CEP57L1: variants seen among roughly 807,000 people sequenced by gnomAD.
CEP57L1 encodes the protein centrosomal protein CEP57L1.
Under a neutral mutation model 61.0 loss-of-function variants are expected in CEP57L1, and 37 were observed. The ratio of observed to expected loss-of-function variants is 0.61; its 90% CI spans 0.47 to 0.80. CEP57L1 has a LOEUF of 0.80. Ranked by LOEUF, CEP57L1 falls within the 30% of genes least tolerant of loss-of-function variation. The probability of loss-of-function intolerance (pLI) is 0.00; values close to 1 mark genes in which losing one functional copy is unlikely to be tolerated. For synonymous variants in CEP57L1, 137 were observed against 162.3 expected (o/e 0.84, Z 1.19); for missense variants, 422 against 524.7 (o/e 0.80, Z 1.91).
intron 1 of CEP57L1, among the ~76,000 whole-genome samples, chr6:109,106,759 CCT>C (rs1253898213): frequency 2.0e-5 from 3 of 151,856 alleles, no homozygotes; most frequent in South Asian, 4.2e-4. Flanking sequence ...GTGAAACCCC[CCT>C]GTCTCTACTA....
chr6:109,145,586 A>G (rs937446731), intron 2 of CEP57L1, among the ~76,000 whole-genome samples: 1 of 151,932 alleles, frequency 6.6e-6, no homozygotes, highest in African/African-American at 2.4e-5. Flanking sequence ...GATTAATACA[A>G]CCAGCTGGAC....
At position 109,150,216 on chromosome 6, in the gene CEP57L1, A is replaced by T. The variant is rs140706176; in HGVS notation, c.439A>T (p.Lys147Ter). The change falls in exon 4 of 11, where the codon AAG becomes TAG. Residue 147 changes from lysine (K) to a stop codon, truncating the protein, a stop_gained. Coordinates refer to ENST00000517392, the MANE Select transcript of CEP57L1 (RefSeq NM_001271852.3). LOFTEE classifies it high-confidence loss of function. ...AATGGTTCTCAACGTAGAGCGAGAA[A>T]AGAACATGATCCTAGAACAACAGGT... ...KRMVLNVERE[K>*]NMILEQQAQL... 3.7e-6 allele frequency: 6 copies of T among 1,604,072 alleles called. No individual in the cohort carries two copies. The African/African-American group carries it at 8.0e-5, about 21-fold the overall frequency.
In CEP57L1 at chr6:109,170,147, G is replaced by C. The variant is rs1774334636; in HGVS notation, c.*7177G>C. On this transcript the variant is annotated 3_prime_UTR_variant, in exon 11 of 11. Transcript: ENST00000517392. ...GTTATAGGGTAATGAGCAATAATAA[G>C]GCCACCAAATATAATCCCATTGTAA... 2.0e-5 allele frequency among the ~76,000 whole-genome samples: 3 copies of C among 152,040 alleles called. No individual in the cohort carries two copies. The highest frequency in any genetic ancestry group is 4.8e-5 in the African/African-American group (2 of 41,398).
intron 1 of CEP57L1, among the ~76,000 whole-genome samples, chr6:109,096,629 C>G (rs1781737515): frequency 2.6e-5 from 4 of 152,174 alleles, no homozygotes; most frequent in Non-Finnish European, 5.9e-5. Flanking sequence ...TACATCGTTT[C>G]TGTAAGTGAG....
Position 109,168,143 on chromosome 6 carries a change from A to G in CEP57L1, c.*5173A>G, listed in dbSNP as rs189065814. The stretch of plus-strand genomic sequence containing the variant: ...TCATTTTCTATCTATCTTGATTTAT[A>G]TACCTTCACCTTTTTAAATTTTTTG... On this transcript the variant is annotated 3_prime_UTR_variant, in exon 11 of 11. Transcript: ENST00000517392. Among the ~76,000 whole-genome samples, 2 of 152,348 alleles carry G rather than the reference A, an allele frequency of 1.3e-5. No individual in the cohort carries two copies. Among genetic ancestry groups the G allele is most frequent in the Admixed American group, 1.3e-4 (2 of 15,308 alleles).
chr6:109,155,458 A>G (rs946097299), intron 6 of CEP57L1, 151 bp downstream of exon 6: 20 of 498,508 alleles, frequency 4.0e-5, no homozygotes, highest in Middle Eastern at 5.3e-4. Context: ...GTCAGCCAGT[A>G]TGATACATGG....
chr6:109,127,410 A>G (rs1239848721), intron 1 of CEP57L1, among the ~76,000 whole-genome samples: 1 of 152,126 alleles, frequency 6.6e-6, no homozygotes, highest in Non-Finnish European at 1.5e-5. Context: ...CAGATAGCAG[A>G]AGCCATGTCC....
chr6:109,103,526 T>C (rs1770571630), intron 1 of CEP57L1, among the ~76,000 whole-genome samples: 1 of 152,202 alleles, frequency 6.6e-6, no homozygotes, highest in South Asian at 2.1e-4. Flanking sequence ...ATTCTCAGAA[T>C]ACCATGCCCC....
At chr6:109,135,945 A>G (rs1051873829) in intron 1 of CEP57L1, among the ~76,000 whole-genome samples, 45 of 152,238 alleles carry the variant, frequency 3.0e-4, no homozygotes, top group African/African-American at 8.9e-4. Flanking sequence ...GGAGAAATAG[A>G]AACACTTTTA....
chr6:109,146,912 C>T lies in CEP57L1; in HGVS notation c.315C>T (p.His105=), dbSNP rs775070028. The change falls in exon 3 of 11, where the codon CAC becomes CAT. Residue 105 remains histidine, a synonymous_variant. Transcript: ENST00000517392. The part of the protein sequence containing the change: ...ENETNERNLA[H]QELIKQKKDI... ...AAACAAATGAGAGAAATCTGGCACA[C>T]CAGGAGCTGATAAAGCAGAAAAAAG... The T allele has an allele frequency of 6.2e-7, 1 of 1,607,550 alleles. No individual in the cohort carries two copies. The highest frequency in any genetic ancestry group is 1.7e-5 in the Admixed American group (1 of 58,564).
chr6:109,123,463 C>G (rs769168416), intron 1 of CEP57L1, among the ~76,000 whole-genome samples: 2 of 152,184 alleles, frequency 1.3e-5, no homozygotes, highest in Non-Finnish European at 2.9e-5. Context: ...GTGTTGCCTT[C>G]ATGATTCAGT....
intron 1 of CEP57L1, among the ~76,000 whole-genome samples, chr6:109,106,463 T>C (rs1770944554): frequency 6.6e-6 from 1 of 152,206 alleles, no homozygotes; most frequent in Non-Finnish European, 1.5e-5. Context: ...TGTGGACCTT[T>C]TTCTTGAAAC....
intron 4 of CEP57L1, among the ~76,000 whole-genome samples, chr6:109,152,814 A>G (rs934251925): frequency 6.6e-6 from 1 of 152,084 alleles, no homozygotes; most frequent in Admixed American, 6.6e-5. Flanking sequence ...TTTTATCAAT[A>G]ATGGTTTTCT....
At position 109,164,335 on chromosome 6, in the gene CEP57L1, A is replaced by G. The variant is rs1318205554; in HGVS notation, c.*1365A>G. Among the ~76,000 whole-genome samples the G allele has an allele frequency of 6.6e-6, 1 of 152,202 alleles. No individual in the cohort carries two copies. Among genetic ancestry groups the G allele is most frequent in the African/African-American group, 2.4e-5 (1 of 41,450 alleles). On this transcript the variant is annotated 3_prime_UTR_variant, in exon 11 of 11. Transcript: ENST00000517392. ...CATTCTAATGGTGAGGAGAGATACCATGTTAGAATACCTTCCATACCTGGA... is the reference window on the plus strand; with the variant it reads ...CATTCTAATGGTGAGGAGAGATACCGTGTTAGAATACCTTCCATACCTGGA...
In CEP57L1 at chr6:109,156,860, A is replaced by G. The variant is rs182360289; in HGVS notation, c.744+983A>G. The G allele has an allele frequency of 2.2e-4, 34 of 152,260 alleles. No homozygotes were observed. The East Asian group carries it at 6.4e-3, about 28-fold the overall frequency. The allele number at this position is 152,260 out of a possible 1,614,324, so 9.4% of individuals were successfully genotyped here. Reference sequence around the variant, plus strand: ...AATTTTCAAACTACAATAACGAACAATATTTCCCCAATATGACTTATTTTG... The same window carrying G: ...AATTTTCAAACTACAATAACGAACAGTATTTCCCCAATATGACTTATTTTG... On this transcript the variant is annotated intron_variant, in intron 7 of 10. Transcript: ENST00000517392.
chr6:109,115,835 G>A (rs1348030577), intron 1 of CEP57L1, among the ~76,000 whole-genome samples: 2 of 152,046 alleles, frequency 1.3e-5, no homozygotes, highest in African/African-American at 2.4e-5. Flanking sequence ...ATTCTTTAAG[G>A]TTGTTAAGAC....
intron 10 of CEP57L1, among the ~76,000 whole-genome samples, chr6:109,161,642 T>C (rs1477112516): frequency 6.6e-6 from 1 of 152,198 alleles, no homozygotes; most frequent in South Asian, 2.1e-4. Context: ...TTTAAGGCTA[T>C]AGTAAGTAAA....
intron 7 of CEP57L1, chr6:109,158,296 T>TG (rs1161568025): frequency 1.1e-5 from 2 of 182,544 alleles, no homozygotes; most frequent in East Asian, 1.7e-4. Flanking sequence ...AAGACCAGCC[T>TG]GGCCAATATG....
intron 1 of CEP57L1, chr6:109,106,169 T>G (rs1424115111): frequency 6.6e-6 from 1 of 152,180 alleles, no homozygotes; most frequent in Non-Finnish European, 1.5e-5. Context: ...GAAATGGGCT[T>G]GAATCATCCT....
Sources: gnomAD v4.1 joint callset for allele counts (sites outside exome capture counted in the v4.1 genomes callset) on GRCh38, gnomAD v4.1.1 for gene constraint, MANE v1.5 for transcripts, NCBI Gene and HGNC (gene_info 2026-07-23, HGNC 2026-07-21) for gene names.